Variants in MOB1B observed in about 807,000 individuals in gnomAD.
The protein encoded by MOB1B is MOB kinase activator 1B.
Under a neutral mutation model 24.4 loss-of-function variants are expected in MOB1B, and 19 were observed. The observed-to-expected ratio is 0.78, with a 90% CI of 0.54 to 1.14. MOB1B has a LOEUF of 1.14. MOB1B is among the 50% of genes most tolerant of loss of function. The pLI is 0.00. For synonymous variants in MOB1B, 76 were observed against 82.1 expected, an observed-to-expected ratio of 0.93 and a Z score of 0.40; for missense variants, 243 against 259.6, an observed-to-expected ratio of 0.94 and a Z score of 0.44.
At chr4:70,964,163 A>C (rs913918287) in intron 2 of MOB1B, among the ~76,000 whole-genome samples, 1 of 152,226 alleles carries the variant, frequency 6.6e-6, no homozygotes, top group Non-Finnish European at 1.5e-5. Flanking sequence ...AGACAAATCC[A>C]TGGTCATAAT....
intron 1 of MOB1B, among the ~76,000 whole-genome samples, chr4:70,948,460 C>T (rs1042358173): frequency 6.6e-6 from 1 of 152,178 alleles, no homozygotes; most frequent in African/African-American, 2.4e-5. Flanking sequence ...GTTCCCCTCA[C>T]TGTGGTTAAT....
chr4:70,922,589 G>A lies in MOB1B; in HGVS notation c.14+20039G>A, dbSNP rs150120190. ...AGTGAGACTTTGAATAGAATGAGAGGCAGGCCCGAATTAACACTGACATTT... is the reference window on the plus strand; with the variant it reads ...AGTGAGACTTTGAATAGAATGAGAGACAGGCCCGAATTAACACTGACATTT... On this transcript the variant is annotated intron_variant, in intron 1 of 5. Transcript: ENST00000309395. Among the ~76,000 whole-genome samples, 1,484 of 152,286 alleles carry A rather than the reference G, an allele frequency of 9.7e-3. 9 individuals carry two copies. The highest frequency in any genetic ancestry group is 0.017 in the Non-Finnish European group (1,150 of 68,028).
intron 1 of MOB1B, among the ~76,000 whole-genome samples, chr4:70,957,794 G>C (rs1381863814): frequency 2.3e-5 from 3 of 132,460 alleles, no homozygotes; most frequent in African/African-American, 8.4e-5. Flanking sequence ...GTCTTGCTAT[G>C]TTGCCCAAGG....
chr4:70,913,166 TC>T (rs554873372), intron 1 of MOB1B, among the ~76,000 whole-genome samples: 3 of 152,376 alleles, frequency 2.0e-5, no homozygotes, highest in African/African-American at 7.2e-5. Context: ...TTTGGGTTTC[TC>T]TGATGTTTCC....
rs907794018 is a variant in MOB1B, at chr4:70,987,287, A to G, written c.*5230A>G. The G allele has an allele frequency of 6.6e-6, 1 of 151,900 alleles. No homozygotes were observed. The highest frequency in any genetic ancestry group is 2.4e-5 in the African/African-American group (1 of 41,418). The allele number at this position is 151,900 out of a possible 1,614,324, so 9.4% of individuals were successfully genotyped here. On this transcript the variant is annotated 3_prime_UTR_variant, in exon 6 of 6. Coordinates refer to ENST00000309395, the MANE Select transcript of MOB1B (RefSeq NM_173468.4). ...TCAATATTTAATTTCTCTATATATTATTAATATTAAATTGTTTTTTACTTA... is the reference window on the plus strand; with the variant it reads ...TCAATATTTAATTTCTCTATATATTGTTAATATTAAATTGTTTTTTACTTA...
chr4:70,970,994 T>C (rs981751199), intron 3 of MOB1B, among the ~76,000 whole-genome samples: 3 of 152,224 alleles, frequency 2.0e-5, no homozygotes, highest in African/African-American at 7.2e-5. Flanking sequence ...ATTCCCTTCC[T>C]CCATTTACAC....
rs781212908 is a variant in MOB1B, at chr4:70,979,261, A to G, written c.543A>G (p.Thr181=). The change falls in exon 5 of 6, where the codon ACA becomes ACG. Residue 181 remains threonine, a synonymous_variant. Transcript: ENST00000309395. ...TTCAGGAGGAAGCACATCTAAATACATCTTTCAAGCACTTTATTTTTTTTG... is the reference window on the plus strand; with the variant it reads ...TTCAGGAGGAAGCACATCTAAATACGTCTTTCAAGCACTTTATTTTTTTTG... ...IQLQEEAHLN[T]SFKHFIFFVQ... is the part of the protein sequence containing the mutation. The G allele has an allele frequency of 1.2e-6, 2 of 1,613,776 alleles. No individual in the cohort carries two copies. The highest frequency in any genetic ancestry group is 2.2e-5 in the South Asian group (2 of 91,062).
At chr4:70,969,148 T>G (rs1351529889) in intron 2 of MOB1B, among the ~76,000 whole-genome samples, 1 of 152,194 alleles carries the variant, frequency 6.6e-6, no homozygotes, top group Admixed American at 6.5e-5. Flanking sequence ...TACCTTAGTT[T>G]TTGTTTTGAG....
chr4:70,935,607 G>C (rs1325693413), intron 1 of MOB1B, among the ~76,000 whole-genome samples: 1 of 151,938 alleles, frequency 6.6e-6, no homozygotes, highest in African/African-American at 2.4e-5. Flanking sequence ...ATGTGTGTGT[G>C]TGTATTTTCC....
At chr4:70,939,733 G>C (rs976374107) in intron 1 of MOB1B, among the ~76,000 whole-genome samples, 2 of 152,220 alleles carry the variant, frequency 1.3e-5, no homozygotes, top group African/African-American at 2.4e-5. Context: ...CCCAGTGGGC[G>C]TGTGTTACCC....
At chr4:70,919,987 C>G (rs1276034584) in intron 1 of MOB1B, among the ~76,000 whole-genome samples, 4 of 152,136 alleles carry the variant, frequency 2.6e-5, no homozygotes, top group Non-Finnish European at 5.9e-5. Context: ...AAAGAAACAG[C>G]TTATGACCCT....
chr4:70,938,348 AAG>A (rs1553935763), intron 1 of MOB1B, among the ~76,000 whole-genome samples: 2 of 131,038 alleles, frequency 1.5e-5, no homozygotes, highest in Non-Finnish European at 3.2e-5. Flanking sequence ...AAAAAAAAAA[AAG>A]AGCTTTTCAG....
chr4:70,951,830 G>A (rs986562193), intron 1 of MOB1B, among the ~76,000 whole-genome samples: 1 of 152,190 alleles, frequency 6.6e-6, no homozygotes, highest in Non-Finnish European at 1.5e-5. Flanking sequence ...TCATGCCCCT[G>A]CATTCCTGCC....
chr4:70,950,724 G>C, intron 1 of MOB1B: 1 of 1,530,132 alleles, frequency 6.5e-7, no homozygotes. Flanking sequence ...AAGTTGACTG[G>C]AACTTTCAGT....
At position 70,914,545 on chromosome 4, in the gene MOB1B, C is replaced by T. The variant is rs1034379904; in HGVS notation, c.14+11995C>T. Among the ~76,000 whole-genome samples the T allele has an allele frequency of 3.3e-5, 5 of 152,148 alleles. 1 individual carries two copies. The highest frequency in any genetic ancestry group is 2.0e-4 in the Admixed American group (3 of 15,262). On this transcript the variant is annotated intron_variant, in intron 1 of 5. Coordinates refer to ENST00000309395, the MANE Select transcript of MOB1B (RefSeq NM_173468.4). The stretch of plus-strand genomic sequence containing the variant: ...TGCTGATTACAGATGTGTTGCTGCT[C>T]CCAGGCACTCTCATTGGACAGTACT...
At chr4:70,913,594 G>A (rs991081274) in intron 1 of MOB1B, among the ~76,000 whole-genome samples, 2 of 152,108 alleles carry the variant, frequency 1.3e-5, no homozygotes, top group African/African-American at 4.8e-5. Context: ...CCCAGGTGAT[G>A]TGCATTTTTC....
intron 1 of MOB1B, among the ~76,000 whole-genome samples, chr4:70,912,956 C>T (rs921397077): frequency 2.0e-5 from 3 of 152,126 alleles, no homozygotes; most frequent in Non-Finnish European, 2.9e-5. Context: ...AGGGTTTCAC[C>T]GTATTGCCCA....
intron 1 of MOB1B, among the ~76,000 whole-genome samples, chr4:70,946,726 AAC>A (rs2148887793): frequency 6.6e-6 from 1 of 152,264 alleles, no homozygotes; most frequent in South Asian, 2.1e-4. Flanking sequence ...GGGAAAAAGA[AAC>A]ACAAGTCACA....
At chr4:70,949,377 T>G (rs1255328031) in intron 1 of MOB1B, among the ~76,000 whole-genome samples, 1 of 152,242 alleles carries the variant, frequency 6.6e-6, no homozygotes, top group Non-Finnish European at 1.5e-5. Context: ...TTTTCAATAC[T>G]CATAGCTTTT....
Sources: allele counts gnomAD v4.1 joint callset (sites outside exome capture counted in the v4.1 genomes callset), GRCh38; gene constraint gnomAD v4.1.1; transcripts MANE v1.5; gene names NCBI Gene and HGNC (gene_info 2026-07-23, HGNC 2026-07-21).